The following ASB9 variants were observed in gnomAD, a reference collection of about 807,000 sequenced individuals.
ASB9 encodes the protein ankyrin repeat and SOCS box protein 9.
Under a neutral mutation model 16.6 loss-of-function variants are expected in ASB9, and 5 were observed. That is an observed-to-expected ratio of 0.30 (90% CI 0.16 to 0.63). ASB9 has a LOEUF of 0.63. Among genes scored for constraint, ASB9 ranks in the 30% least tolerant of loss-of-function variants. ASB9 has a pLI of 0.82. For synonymous variants in ASB9, 100 were observed against 86.4 expected (o/e 1.16, Z -0.87); for missense variants, 216 against 229.4 (o/e 0.94, Z 0.38).
intron 1 of ASB9, among the ~76,000 whole-genome samples, chrX:15,265,825 CAG>C (rs1406567961): frequency 1.2e-4 from 12 of 100,655 alleles, no homozygotes; most frequent in African/African-American, 4.5e-4. Flanking sequence ...TTTTTTGAGA[CAG>C]AGTTTCACTC....
rs1316039452 is a variant in ASB9 at position 15,266,933 on chromosome X, C to A, written c.94+2848G>T. ...CCTGGGCGACAGAGCGAGACTCCAT[C>A]TCAAAAAAAAAAAAAAAAAAGAAAA... is the stretch of plus-strand genomic sequence containing the variant. On this transcript the variant is annotated intron_variant, in intron 1 of 6. Coordinates refer to ENST00000380488, the MANE Select transcript of ASB9 (RefSeq NM_001031739.3). 1.6e-4 allele frequency among the ~76,000 whole-genome samples: 3 copies of A among 19,167 alleles called. No homozygotes were observed. In the Admixed American group the frequency reaches 2.2e-3, roughly 14 times the overall value. 16.6% of individuals were successfully genotyped at this position (19,167 alleles called of 115,157 possible). A position where few individuals can be genotyped will look rare whatever the true frequency, so the allele number is the denominator to read the frequency against.
At chrX:15,266,590 A>G (rs1926411238) in intron 1 of ASB9, among the ~76,000 whole-genome samples, 1 of 111,789 alleles carries the variant, frequency 8.9e-6, no homozygotes, top group Non-Finnish European at 1.9e-5. Flanking sequence ...GCCTTTGCGT[A>G]TAACACCTGC....
At chrX:15,269,531 TGGGA>T (rs1363245665) in intron 1 of ASB9, among the ~76,000 whole-genome samples, 1 of 112,498 alleles carries the variant, frequency 8.9e-6, no homozygotes, top group Non-Finnish European at 1.9e-5. Context: ...GAATGATTCC[TGGGA>T]GCTGAAATTT....
chrX:15,246,393 A>G (rs16979800), intron 6 of ASB9, among the ~76,000 whole-genome samples: 12,669 of 111,986 alleles, frequency 0.11, 603 homozygotes, highest in Middle Eastern at 0.21. Context: ...GCTCGGTAAT[A>G]AAACCAGCTA....
chrX:15,251,175 T>C (rs1355488573), intron 4 of ASB9, among the ~76,000 whole-genome samples: 1 of 112,196 alleles, frequency 8.9e-6, no homozygotes, highest in Non-Finnish European at 1.9e-5. Flanking sequence ...GTAGTTTGTC[T>C]AAGTACAGAA....
intron 1 of ASB9, among the ~76,000 whole-genome samples, chrX:15,266,908 C>A (rs1422924935): frequency 3.7e-4 from 38 of 101,951 alleles, no homozygotes; most frequent in African/African-American, 1.2e-3. Flanking sequence ...TGCACTCCAG[C>A]CTGGGCGACA....
chrX:15,263,955 T>C (rs1926181227), intron 1 of ASB9, among the ~76,000 whole-genome samples: 1 of 111,374 alleles, frequency 9.0e-6, no homozygotes. Context: ...TTTTCCTAAG[T>C]TTCTATGAGT....
chrX:15,257,729 T>C (rs1035458019), intron 2 of ASB9, among the ~76,000 whole-genome samples: 7 of 111,941 alleles, frequency 6.3e-5, no homozygotes, highest in African/African-American at 2.3e-4. Flanking sequence ...AAAAAAAGAT[T>C]GAATGGCTTA....
At chrX:15,256,156 A>G (rs1249269342) in intron 2 of ASB9, among the ~76,000 whole-genome samples, 1 of 110,540 alleles carries the variant, frequency 9.0e-6, no homozygotes, top group East Asian at 2.8e-4. Context: ...ACACGTGAAA[A>G]TTTTATGAAA....
intron 2 of ASB9, 27 bp downstream of exon 2, chrX:15,258,838 CT>C: frequency 8.8e-7 from 1 of 1,136,383 alleles, no homozygotes; most frequent in Non-Finnish European, 1.2e-6. Context: ...TGATAGGTTT[CT>C]TCTGTATTGT....
Position 15,266,487 on chromosome X carries a change from C to T in ASB9, c.94+3294G>A, listed in dbSNP as rs775453401. Among the ~76,000 whole-genome samples, 115 of 112,127 alleles carry T rather than the reference C, an allele frequency of 1.0e-3. 1 individual carries two copies. Among genetic ancestry groups the T allele is most frequent in the African/African-American group, 3.7e-3 (113 of 30,876 alleles). ...TTAGCTCTTCAAGCTTTATCTGCCA[C>T]TCCATCTCTTCAAACTTGTTCTCAC... On this transcript the variant is annotated intron_variant, in intron 1 of 6. Coordinates refer to ENST00000380488, the MANE Select transcript of ASB9 (RefSeq NM_001031739.3).
intron 1 of ASB9, among the ~76,000 whole-genome samples, chrX:15,266,383 C>A (rs1321441898): frequency 1.8e-5 from 2 of 112,220 alleles, no homozygotes; most frequent in South Asian, 7.4e-4. Flanking sequence ...AATTGACCTA[C>A]AGCCTTATTA....
At chrX:15,262,321 G>C (rs984077889) in intron 1 of ASB9, among the ~76,000 whole-genome samples, 3 of 111,800 alleles carry the variant, frequency 2.7e-5, no homozygotes, top group Non-Finnish European at 5.6e-5. Context: ...TAAAAGAATT[G>C]CTGTATGATA....
At chrX:15,262,422 A>C (rs1371582520) in intron 1 of ASB9, among the ~76,000 whole-genome samples, 1 of 111,813 alleles carries the variant, frequency 8.9e-6, no homozygotes, top group East Asian at 2.8e-4. Context: ...TCCCCTTCTA[A>C]CATAAAGTCA....
intron 1 of ASB9, among the ~76,000 whole-genome samples, chrX:15,266,263 A>G (rs1197881566): frequency 1.8e-5 from 2 of 112,179 alleles, no homozygotes; most frequent in Non-Finnish European, 3.8e-5. Context: ...CTGTATTTCA[A>G]TAAGCTCTCC....
At chrX:15,258,599 G>A (rs1925753488) in intron 2 of ASB9, among the ~76,000 whole-genome samples, 1 of 111,975 alleles carries the variant, frequency 8.9e-6, no homozygotes, top group South Asian at 3.7e-4. Flanking sequence ...AGTTCAGAAT[G>A]TAGACAACAA....
At chrX:15,266,922 C>T (rs1305395949) in intron 1 of ASB9, among the ~76,000 whole-genome samples, 134 of 58,841 alleles carry the variant, frequency 2.3e-3, no homozygotes, top group Non-Finnish European at 3.4e-3. Flanking sequence ...GGCGACAGAG[C>T]GAGACTCCAT....
intron 2 of ASB9, among the ~76,000 whole-genome samples, chrX:15,255,516 G>T (rs1221933758): frequency 9.0e-6 from 1 of 111,556 alleles, no homozygotes. Flanking sequence ...GGGAGGGATG[G>T]GTGAGTCTTT....
chrX:15,245,640 G>A (rs776268510), intron 6 of ASB9, among the ~76,000 whole-genome samples: 1 of 111,617 alleles, frequency 9.0e-6, no homozygotes, highest in East Asian at 2.8e-4. Flanking sequence ...CTACATGGAC[G>A]CTGAGTCCCC....
Sources: allele counts gnomAD v4.1 joint callset (sites outside exome capture counted in the v4.1 genomes callset), GRCh38; gene constraint gnomAD v4.1.1; transcripts MANE v1.5; gene names NCBI Gene and HGNC (gene_info 2026-07-23, HGNC 2026-07-21).